The following OTOA variants were observed in gnomAD, a reference collection of about 807,000 sequenced individuals.
The protein encoded by OTOA is cancer/testis antigen 108.
Under a neutral mutation model 110.8 loss-of-function variants are expected in OTOA, and 70 were observed. That is an observed-to-expected ratio of 0.63 (90% confidence interval 0.52 to 0.77). The LOEUF (loss-of-function observed/expected upper bound fraction) is 0.77, where lower values mean the gene tolerates loss of function less well. Among genes scored for constraint, OTOA ranks in the 30% least tolerant of loss-of-function variants. The probability of loss-of-function intolerance (pLI) is 0.00; values close to 1 mark genes in which losing one functional copy is unlikely to be tolerated. For missense variants in OTOA, 917 were observed against 1,075.8 expected (o/e 0.85, Z 2.06); for synonymous variants, 373 against 431.5 (o/e 0.86, Z 1.68).
intron 1 of OTOA, among the ~76,000 whole-genome samples, chr16:21,669,046 GCTGA>G (rs1365624551): frequency 2.6e-5 from 4 of 151,872 alleles, no homozygotes; most frequent in East Asian, 3.9e-4. Flanking sequence ...TTAAATACAT[GCTGA>G]CTATCTGGGG....
intron 15 of OTOA, 102 bp downstream of exon 15, chr16:21,717,149 T>C: frequency 6.6e-7 from 1 of 1,512,806 alleles, no homozygotes. Flanking sequence ...AATTTATTTC[T>C]GTGGGATTAG....
chr16:21,750,132 G>A (rs1397733069), intron 24 of OTOA, among the ~76,000 whole-genome samples: 1 of 152,304 alleles, frequency 6.6e-6, no homozygotes, highest in Admixed American at 6.5e-5. Flanking sequence ...AAGGGGCTGG[G>A]TGCACTGTGC....
At chr16:21,704,588 G>T (rs557647597) in intron 11 of OTOA, among the ~76,000 whole-genome samples, 38 of 152,248 alleles carry the variant, frequency 2.5e-4, no homozygotes, top group African/African-American at 8.7e-4. Context: ...ATATAATCAA[G>T]ACCCCATTGG....
At chr16:21,716,320 G>C (rs215905) in intron 14 of OTOA, among the ~76,000 whole-genome samples, 141,573 of 152,182 alleles carry the variant, frequency 0.93, 66,355 homozygotes, top group Middle Eastern at 0.99. Flanking sequence ...GCCTGTAATC[G>C]CAGCACTTTG....
rs373412875 is a variant in OTOA at position 21,719,516 on chromosome 16, G to T, written c.1806+12G>T. ...TTTCACCCTATCAGGTACCGTTAAA[G>T]CATTTTCCAGCTTCTAATTCTCTCT... On this transcript the variant is annotated intron_variant, in intron 17 of 28. Transcript: ENST00000646100. 56 of 1,607,936 alleles carry T rather than the reference G, an allele frequency of 3.5e-5. No homozygotes were observed. The highest frequency in any genetic ancestry group is 1.8e-4 in the Admixed American group (11 of 59,970).
Position 21,664,229 on chromosome 16 carries a change from G to T in OTOA, c.-8G>T. 1 of 152,318 alleles carries T rather than the reference G, an allele frequency of 6.6e-6. No individual in the cohort carries two copies. The highest frequency in any genetic ancestry group is 1.5e-5 in the Non-Finnish European group (1 of 68,088). 9.4% of individuals were successfully genotyped at this position (152,318 alleles called of 1,614,324 possible). On this transcript the variant is annotated 5_prime_UTR_variant, in exon 1 of 29. Transcript: ENST00000646100. ...ACTCAGTGCGGCCAAGCCGGGCTCCGCAGGTGAGGCGCGCGCGGGGGCCTG... is the reference window on the plus strand; with the variant it reads ...ACTCAGTGCGGCCAAGCCGGGCTCCTCAGGTGAGGCGCGCGCGGGGGCCTG...
chr16:21,698,843 CT>C (rs1897994762), intron 10 of OTOA, among the ~76,000 whole-genome samples: 1 of 152,102 alleles, frequency 6.6e-6, no homozygotes, highest in Non-Finnish European at 1.5e-5. Context: ...GCTGAGCCCC[CT>C]AGAGGAAATT....
chr16:21,687,069 AG>A (rs1196251828), intron 7 of OTOA, among the ~76,000 whole-genome samples: 1 of 152,192 alleles, frequency 6.6e-6, no homozygotes, highest in East Asian at 1.9e-4. Flanking sequence ...AGGAAGTTGG[AG>A]GGATCAGAGA....
At chr16:21,679,946 A>G (rs1966875804) in intron 5 of OTOA, among the ~76,000 whole-genome samples, 1 of 152,178 alleles carries the variant, frequency 6.6e-6, no homozygotes, top group African/African-American at 2.4e-5. Context: ...GCATACAGAC[A>G]GATACCAGGG....
At chr16:21,670,634 T>C (rs1295667176) in intron 1 of OTOA, among the ~76,000 whole-genome samples, 1 of 152,228 alleles carries the variant, frequency 6.6e-6, no homozygotes, top group African/African-American at 2.4e-5. Context: ...TGTAAACTGC[T>C]GTATTCTCAG....
At chr16:21,733,317 A>G (rs1899175215) in intron 21 of OTOA, among the ~76,000 whole-genome samples, 2 of 146,478 alleles carry the variant, frequency 1.4e-5, no homozygotes, top group African/African-American at 4.9e-5. Context: ...ACTGTCTTAG[A>G]GTGGTTGCCT....
At position 21,699,905 on chromosome 16, in the gene OTOA, C is replaced by T. The variant is rs879781704; in HGVS notation, c.841-983C>T. 9.9e-5 allele frequency among the ~76,000 whole-genome samples: 15 copies of T among 150,836 alleles called. No individual in the cohort carries two copies. The East Asian group carries it at 1.9e-3, about 20-fold the overall frequency. On this transcript the variant is annotated intron_variant, in intron 10 of 28. Transcript: ENST00000646100. ...CTGCACTCCAGCCTGGGTGACAGAG[C>T]GAGACTCCATCTCAAAAAAATAAAA... is the stretch of plus-strand genomic sequence containing the variant.
intron 15 of OTOA, among the ~76,000 whole-genome samples, chr16:21,718,206 C>T (rs1326501527): frequency 6.6e-6 from 1 of 152,164 alleles, no homozygotes; most frequent in Admixed American, 6.5e-5. Flanking sequence ...GATCTGCCCG[C>T]CTTGGCCTCC....
intron 1 of OTOA, among the ~76,000 whole-genome samples, chr16:21,668,119 GT>G (rs1332095846): frequency 6.6e-6 from 1 of 152,028 alleles, no homozygotes; most frequent in African/African-American, 2.4e-5. Flanking sequence ...AATTTTTTGG[GT>G]TTTTTTGAGA....
intron 12 of OTOA, among the ~76,000 whole-genome samples, chr16:21,708,923 T>C (rs1369667888): frequency 1.3e-5 from 2 of 152,138 alleles, no homozygotes; most frequent in African/African-American, 4.8e-5. Flanking sequence ...AAATAATTAT[T>C]AAAATGATCA....
intron 21 of OTOA, among the ~76,000 whole-genome samples, chr16:21,736,023 G>T (rs535992333): frequency 1.3e-5 from 2 of 152,276 alleles, no homozygotes; most frequent in South Asian, 2.1e-4. Context: ...AATCTGATGG[G>T]TGAAAAGTGA....
intron 21 of OTOA, among the ~76,000 whole-genome samples, chr16:21,732,533 T>C (rs1333185482): frequency 1.3e-5 from 2 of 152,122 alleles, no homozygotes; most frequent in South Asian, 2.1e-4. Flanking sequence ...ATCATTCTTA[T>C]GCCTTTGGGT....
At chr16:21,727,635 T>A (rs1271597530) in intron 19 of OTOA, among the ~76,000 whole-genome samples, 1 of 152,132 alleles carries the variant, frequency 6.6e-6, no homozygotes, top group Non-Finnish European at 1.5e-5. Flanking sequence ...GTTTTCATTG[T>A]TGTGGTGCCA....
At chr16:21,727,011 A>AT in intron 19 of OTOA, 12 of 184,158 alleles carry the variant, frequency 6.5e-5, no homozygotes, top group East Asian at 5.0e-4. Context: ...TCCCCCTTAG[A>AT]GTTTTTTTTT....
Sources: gnomAD v4.1 joint callset for allele counts (sites outside exome capture counted in the v4.1 genomes callset) on GRCh38, gnomAD v4.1.1 for gene constraint, MANE v1.5 for transcripts, NCBI Gene and HGNC (gene_info 2026-07-23, HGNC 2026-07-21) for gene names.